The following TGS1 variants were observed in gnomAD, a reference collection of about 807,000 sequenced individuals.
TGS1 encodes trimethylguanosine synthase.
In TGS1, 69 loss-of-function variants were observed where a neutral mutation model predicts 92.2. The ratio of observed to expected loss-of-function variants is 0.75; its 90% CI spans 0.62 to 0.91. TGS1 has a LOEUF of 0.91. TGS1 is among the 40% of genes least tolerant of loss of function. TGS1 has a pLI of 0.00. For missense variants in TGS1, 1,062 were observed against 1,001.2 expected (o/e 1.06, Z -0.82); for synonymous variants, 345 against 338.1 (o/e 1.02, Z -0.22).
chr8:55,781,250 A>C (rs888668760), intron 1 of TGS1, among the ~76,000 whole-genome samples: 6 of 152,316 alleles, frequency 3.9e-5, no homozygotes, highest in Non-Finnish European at 8.8e-5. Context: ...TGAGTTTATA[A>C]CAGTACTTCT....
chr8:55,813,040 C>A lies in TGS1; in HGVS notation c.2361C>A (p.Gly787=). Residue 787 remains glycine (G), a splice_region_variant and synonymous_variant, in exon 12 of 13, where the codon GGC becomes GGA. Coordinates refer to ENST00000260129, the MANE Select transcript of TGS1 (RefSeq NM_024831.8). ...TTATTTTTCCTTAACTGCTGTCCACCTTTGAAATTTTCAGACTTTCTAAGA... is the reference window on the plus strand; with the variant it reads ...TTATTTTTCCTTAACTGCTGTCCACATTTGAAATTTTCAGACTTTCTAAGA... The part of the protein sequence containing the change: ...FDIRTMMSPD[G]FEIFRLSKKI... The A allele has an allele frequency of 6.2e-7, 1 of 1,602,786 alleles. No individual in the cohort carries two copies.
rs1185406482 is a variant in TGS1 at position 55,786,602 on chromosome 8, A to G, written c.704A>G (p.Glu235Gly). The change falls in exon 4 of 13, where the codon GAA becomes GGA. Residue 235 changes from glutamate to glycine, a missense_variant. By Grantham distance (98) the Glu-to-Gly change is moderately conservative. Transcript: ENST00000260129. Reference sequence around the variant, plus strand: ...CCTTGGAACTTTCCTGATACAAAGGAAGAATGGGAGCAACATTATAGTCAA... The same window carrying G: ...CCTTGGAACTTTCCTGATACAAAGGGAGAATGGGAGCAACATTATAGTCAA... ...SEPWNFPDTK[E>G]EWEQHYSQLY... 6.2e-7 allele frequency: 1 copy of G among 1,614,202 alleles called. No homozygotes were observed. The highest frequency in any genetic ancestry group is 8.5e-7 in the Non-Finnish European group (1 of 1,180,020).
intron 2 of TGS1, among the ~76,000 whole-genome samples, chr8:55,783,245 C>A (rs1320886900): frequency 6.6e-6 from 1 of 152,116 alleles, no homozygotes; most frequent in Non-Finnish European, 1.5e-5. Flanking sequence ...ATGGTAAAAC[C>A]CCATCTCTAA....
At chr8:55,812,931 C>T in intron 11 of TGS1, 109 bp from the exon 12 acceptor site, 1 of 834,318 alleles carries the variant, frequency 1.2e-6, no homozygotes, top group Admixed American at 2.5e-5. Flanking sequence ...TAAGTTTTTG[C>T]CTTTTAGTTA....
chr8:55,780,339 T>G (rs1265593186), intron 1 of TGS1, among the ~76,000 whole-genome samples: 1 of 151,962 alleles, frequency 6.6e-6, no homozygotes, highest in Admixed American at 6.6e-5. Flanking sequence ...CTGACTAATT[T>G]TTTTTGTTTT....
In TGS1 at chr8:55,792,753, C is replaced by T. The variant is rs772488986; in HGVS notation, c.1336C>T (p.Leu446Phe). ...PASDFDDSGS[L>F]LGFKYGSGQK... ...TTCAGACTTTGATGACAGTGGTTCC[C>T]TTCTAGGATTCAAGTATGGCTCAGG... Residue 446 changes from leucine to phenylalanine, a missense_variant, in exon 6 of 13, where the codon CTT becomes TTT. Coordinates refer to ENST00000260129, the MANE Select transcript of TGS1 (RefSeq NM_024831.8). The T allele has an allele frequency of 7.4e-6, 12 of 1,613,580 alleles. No individual in the cohort carries two copies. The highest frequency in any genetic ancestry group is 1.6e-4 in the Middle Eastern group (1 of 6,078).
Position 55,782,794 on chromosome 8 carries a change from G to A in TGS1, c.148G>A (p.Asp50Asn), listed in dbSNP as rs780955912. Reference protein sequence around the residue: ...NLGLKGYYIRDSGNNSGDQAT... With the variant: ...NLGLKGYYIRNSGNNSGDQAT... ...GGGATTAAAAGGCTATTACATCAGA[G>A]ACAGTGGCAACAATTCAGGTAATAT... Residue 50 changes from aspartate to asparagine, a missense_variant, in exon 2 of 13, where the codon GAC (aspartate) becomes AAC (asparagine). Transcript: ENST00000260129. The A allele has an allele frequency of 1.9e-6, 3 of 1,610,246 alleles. No individual in the cohort carries two copies. The highest frequency in any genetic ancestry group is 2.5e-6 in the Non-Finnish European group (3 of 1,178,390).
intron 6 of TGS1, 144 bp from the exon 7 acceptor site, chr8:55,795,834 C>A: frequency 1.4e-6 from 1 of 702,828 alleles, no homozygotes; most frequent in Non-Finnish European, 2.4e-6. Context: ...GCAAGTTGAA[C>A]TTGATTTTAT....
rs149932585 is a variant in TGS1, at chr8:55,824,487, G to C, written c.2440-94G>C. 2.9e-4 allele frequency: 440 copies of C among 1,515,454 alleles called. 2 individuals are homozygous for C. In the East Asian group the frequency reaches 9.2e-3, roughly 32 times the overall value. The allele number at this position is 1,515,454 out of a possible 1,614,324, so 93.9% of individuals were successfully genotyped here. ...CATTATTCAAAGGACTTAAAAGCCA[G>C]AGTCTTCCTATTATTTGATAAAGCA... On this transcript the variant is annotated intron_variant, in intron 12 of 12. Coordinates refer to ENST00000260129, the MANE Select transcript of TGS1 (RefSeq NM_024831.8).
At chr8:55,819,677 G>C (rs1215356399) in intron 12 of TGS1, among the ~76,000 whole-genome samples, 1 of 152,064 alleles carries the variant, frequency 6.6e-6, no homozygotes, top group African/African-American at 2.4e-5. Flanking sequence ...CGGAAGCATA[G>C]AAATCTCATT....
intron 1 of TGS1, among the ~76,000 whole-genome samples, chr8:55,781,166 T>A (rs1044196278): frequency 6.6e-6 from 1 of 152,244 alleles, no homozygotes; most frequent in Non-Finnish European, 1.5e-5. Context: ...AATGTGTCTG[T>A]GTATATATAC....
In TGS1 at chr8:55,792,814, A is replaced by G. The variant is rs764874584; in HGVS notation, c.1367+30A>G. 8.6e-6 allele frequency: 13 copies of G among 1,509,998 alleles called. No homozygotes were observed. In the South Asian group the frequency reaches 1.2e-4, roughly 14 times the overall value. The allele number at this position is 1,509,998 out of a possible 1,614,324, so 93.5% of individuals were successfully genotyped here. Reference sequence around the variant, plus strand: ...TTATTCATAAAAGCTATTGTTTTCCAGAAGTCCTAACCACTTCAACTATCT... The same window carrying G: ...TTATTCATAAAAGCTATTGTTTTCCGGAAGTCCTAACCACTTCAACTATCT... On this transcript the variant is annotated intron_variant, in intron 6 of 12. Transcript: ENST00000260129.
At chr8:55,810,438 A>G (rs62515258) in intron 10 of TGS1, among the ~76,000 whole-genome samples, 23,760 of 152,226 alleles carry the variant, frequency 0.16, 2,200 homozygotes, top group African/African-American at 0.26. Flanking sequence ...GGTTTTCCTT[A>G]GAAGTTGTCG....
chr8:55,801,353 C>T (rs1171121488), intron 8 of TGS1, among the ~76,000 whole-genome samples: 5 of 151,922 alleles, frequency 3.3e-5, no homozygotes, highest in Admixed American at 3.3e-4. Context: ...TCACTGCAAC[C>T]TCCGCCTCCC....
At chr8:55,817,120 C>T (rs1803502401) in intron 12 of TGS1, among the ~76,000 whole-genome samples, 1 of 152,212 alleles carries the variant, frequency 6.6e-6, no homozygotes, top group Non-Finnish European at 1.5e-5. Flanking sequence ...GCCTTGGCCT[C>T]CCAAAGTGCT....
Position 55,824,565 on chromosome 8 carries a change from C to G in TGS1, c.2440-16C>G. The G allele has an allele frequency of 1.2e-6, 2 of 1,614,006 alleles. No individual in the cohort carries two copies. The highest frequency in any genetic ancestry group is 1.7e-6 in the Non-Finnish European group (2 of 1,179,932). ...GCTTAGGTGTGTGTGTGACTTTCTT[C>G]TGTTCATCTTTTTAGGTGGCATCCT... On this transcript the variant is annotated splice_polypyrimidine_tract_variant and intron_variant, in intron 12 of 12. Coordinates refer to ENST00000260129, the MANE Select transcript of TGS1 (RefSeq NM_024831.8).
At chr8:55,803,321 C>T (rs564000937) in intron 9 of TGS1, among the ~76,000 whole-genome samples, 1 of 152,306 alleles carries the variant, frequency 6.6e-6, no homozygotes, top group Admixed American at 6.5e-5. Flanking sequence ...CTCCAGCTTT[C>T]CTGCTGTGAT....
rs751854090 is a variant in TGS1 at position 55,796,041 on chromosome 8, T to G, written c.1431T>G (p.Leu477=). 1 of 1,613,032 alleles carries G rather than the reference T, an allele frequency of 6.2e-7. No homozygotes were observed. Among genetic ancestry groups the G allele is most frequent in the African/African-American group, 1.3e-5 (1 of 74,906 alleles). ...QVRYLEKNVK[L]KSKYLDMRRQ... ...GGTATTTAGAGAAGAATGTGAAGCT[T>G]AAGTCTAAGTACCTAGACATGCGCA... Residue 477 remains leucine, a synonymous_variant, in exon 7 of 13, where the codon CTT becomes CTG. Coordinates refer to ENST00000260129, the MANE Select transcript of TGS1 (RefSeq NM_024831.8).
Position 55,799,055 on chromosome 8 carries a change from C to T in TGS1, c.1684C>T (p.Leu562=), listed in dbSNP as rs994343577. Residue 562 remains leucine, a synonymous_variant, in exon 8 of 13, where the codon CTA becomes TTA. Transcript: ENST00000260129. The part of the protein sequence containing the change: ...QDMSVKKGDD[L]LETNNPEPEK... Reference sequence around the variant, plus strand: ...CATGTCTGTTAAAAAAGGTGATGACCTACTGGAGACTAATAATCCAGAACC... The same window carrying T: ...CATGTCTGTTAAAAAAGGTGATGACTTACTGGAGACTAATAATCCAGAACC... 5.6e-6 allele frequency: 9 copies of T among 1,614,030 alleles called. 1 individual carries two copies. Among genetic ancestry groups the T allele is most frequent in the Non-Finnish European group, 1.7e-6 (2 of 1,180,026 alleles).
Sources: allele counts gnomAD v4.1 joint callset (sites outside exome capture counted in the v4.1 genomes callset), GRCh38; gene constraint gnomAD v4.1.1; transcripts MANE v1.5; gene names NCBI Gene and HGNC (gene_info 2026-07-23, HGNC 2026-07-21).